Variants in GLIS3 observed in about 807,000 individuals in gnomAD.
GLIS3 encodes zinc finger protein GLIS3.
In GLIS3, 53 loss-of-function variants were observed where a neutral mutation model predicts 78.6. The ratio of observed to expected loss-of-function variants is 0.67; its 90% confidence interval spans 0.54 to 0.85. The LOEUF is 0.85. Among genes scored for constraint, GLIS3 ranks in the 40% least tolerant of loss-of-function variants. The pLI is 0.00. For synonymous variants in GLIS3, 684 were observed against 509.9 expected (o/e 1.34, Z -4.60); for missense variants, 1,703 against 1,231.1 (o/e 1.38, Z -5.74).
At chr9:4,209,311 T>C (rs911606907) in intron 2 of GLIS3, among the ~76,000 whole-genome samples, 1 of 152,186 alleles carries the variant, frequency 6.6e-6, no homozygotes, top group African/African-American at 2.4e-5. Flanking sequence ...TGCTACCTCC[T>C]TTCTGGGACA....
chr9:3,881,881 C>T (rs1349002954), intron 7 of GLIS3, among the ~76,000 whole-genome samples: 1 of 152,204 alleles, frequency 6.6e-6, no homozygotes, highest in Non-Finnish European at 1.5e-5. Context: ...CACTTTAATG[C>T]ACTCATTTGT....
intron 2 of GLIS3, among the ~76,000 whole-genome samples, chr9:4,312,044 G>C (rs371054881): frequency 6.6e-6 from 1 of 152,244 alleles, no homozygotes; most frequent in Admixed American, 6.5e-5. Flanking sequence ...ACGAGGCTTA[G>C]AATCTGGGTC....
chr9:4,412,519 A>G, the GLIS3 span, among the ~76,000 whole-genome samples: 50 of 152,188 alleles, frequency 3.3e-4, no homozygotes, highest in African/African-American at 1.1e-3. Flanking sequence ...ATCTCTGTGT[A>G]TTCCCCTGCT....
intron 6 of GLIS3, among the ~76,000 whole-genome samples, chr9:3,907,496 C>T (rs1823788987): frequency 6.6e-6 from 1 of 152,020 alleles, no homozygotes; most frequent in Non-Finnish European, 1.5e-5. Flanking sequence ...CACCCAGCGC[C>T]CCTCTGATCC....
intron 4 of GLIS3, among the ~76,000 whole-genome samples, chr9:4,087,740 G>C (rs1017979878): frequency 1.2e-4 from 19 of 152,164 alleles, no homozygotes; most frequent in African/African-American, 4.6e-4. Context: ...GAAATTTTTA[G>C]TATTCATATT....
At chr9:3,844,061 G>C in intron 9 of GLIS3, among the ~76,000 whole-genome samples, 1 of 152,122 alleles carries the variant, frequency 6.6e-6, no homozygotes, top group East Asian at 1.9e-4. Context: ...ACAATTCTAC[G>C]TAAACCAACG....
intron 2 of GLIS3, among the ~76,000 whole-genome samples, chr9:4,165,900 GA>G (rs941360868): frequency 6.6e-6 from 1 of 152,140 alleles, no homozygotes; most frequent in Non-Finnish European, 1.5e-5. Flanking sequence ...GGGGAGGCAG[GA>G]AAAAAGGAAT....
chr9:3,884,436 A>G (rs982185530), intron 7 of GLIS3, among the ~76,000 whole-genome samples: 2 of 152,174 alleles, frequency 1.3e-5, no homozygotes, highest in Admixed American at 1.3e-4. Flanking sequence ...ATTCTTGTTT[A>G]AAACTATGTG....
At chr9:4,331,525 G>T (rs749298302) in intron 2 of GLIS3, among the ~76,000 whole-genome samples, 1 of 152,168 alleles carries the variant, frequency 6.6e-6, no homozygotes, top group East Asian at 1.9e-4. Flanking sequence ...TCATGACACT[G>T]ATTGGTCCGT....
intron 7 of GLIS3, among the ~76,000 whole-genome samples, chr9:3,895,269 A>T (rs1822747397): frequency 6.6e-6 from 1 of 152,240 alleles, no homozygotes; most frequent in Non-Finnish European, 1.5e-5. Flanking sequence ...CTATCAGATA[A>T]ATCATCTAAA....
chr9:4,145,712 T>G (rs546436197), intron 2 of GLIS3, among the ~76,000 whole-genome samples: 5 of 151,884 alleles, frequency 3.3e-5, no homozygotes, highest in Admixed American at 2.6e-4. Flanking sequence ...CTTCCTCCCC[T>G]TCTCTTCCTG....
upstream of GLIS3, among the ~76,000 whole-genome samples, chr9:4,350,229 C>T (rs186576690): frequency 3.3e-4 from 50 of 152,278 alleles, no homozygotes; most frequent in African/African-American, 1.1e-3. Context: ...TTGCTATACC[C>T]GCAAGGCACC....
chr9:3,909,052 G>A (rs1226203983), intron 6 of GLIS3, among the ~76,000 whole-genome samples: 2 of 152,090 alleles, frequency 1.3e-5, no homozygotes, highest in African/African-American at 4.8e-5. Flanking sequence ...CACCTTGTAG[G>A]GATCCCTTTG....
At chr9:4,213,362 C>G (rs921460587) in intron 2 of GLIS3, among the ~76,000 whole-genome samples, 4 of 152,156 alleles carry the variant, frequency 2.6e-5, no homozygotes, top group African/African-American at 9.7e-5. Flanking sequence ...TGTACATATT[C>G]TTTACATAGC....
chr9:4,210,911 T>A (rs1257151312), intron 2 of GLIS3, among the ~76,000 whole-genome samples: 1 of 152,194 alleles, frequency 6.6e-6, no homozygotes, highest in Non-Finnish European at 1.5e-5. Context: ...CCCTCCCTTA[T>A]CTAGGAAGCT....
chr9:3,877,394 A>C (rs1821388613), intron 8 of GLIS3, among the ~76,000 whole-genome samples: 1 of 152,210 alleles, frequency 6.6e-6, no homozygotes, highest in Admixed American at 6.5e-5. Flanking sequence ...TGATTTGTTT[A>C]CACTTTACCT....
At chr9:4,126,616 C>G (rs1399867608) in intron 2 of GLIS3, among the ~76,000 whole-genome samples, 1 of 152,002 alleles carries the variant, frequency 6.6e-6, no homozygotes, top group Non-Finnish European at 1.5e-5. Flanking sequence ...GGTACATACC[C>G]AAAGGGGAAA....
the GLIS3 span, among the ~76,000 whole-genome samples, chr9:4,366,378 G>A: frequency 1.3e-5 from 2 of 152,078 alleles, no homozygotes; most frequent in Admixed American, 1.3e-4. Flanking sequence ...GAGTTAAAAC[G>A]TGAAAAAAAA....
chr9:4,218,557 C>T (rs942156101), intron 2 of GLIS3, among the ~76,000 whole-genome samples: 5 of 152,180 alleles, frequency 3.3e-5, no homozygotes, highest in Non-Finnish European at 5.9e-5. Context: ...GGATTACAGG[C>T]GTGAGCCACC....
Sources: allele counts gnomAD v4.1 joint callset (sites outside exome capture counted in the v4.1 genomes callset), GRCh38; gene constraint gnomAD v4.1.1; transcripts MANE v1.5; gene names NCBI Gene and HGNC (gene_info 2026-07-23, HGNC 2026-07-21).